Variants in PPP1R13L observed in about 807,000 individuals in gnomAD.
PPP1R13L encodes relA-associated inhibitor.
PPP1R13L carries 50 observed loss-of-function variants against 80.9 expected under a neutral mutation model. That is an observed-to-expected ratio of 0.62 (90% CI 0.49 to 0.78). The LOEUF is 0.78. Ranked by LOEUF, PPP1R13L falls within the 30% of genes least tolerant of loss-of-function variation. The probability of loss-of-function intolerance (pLI) is 0.00; values close to 1 mark genes in which losing one functional copy is unlikely to be tolerated. For synonymous variants in PPP1R13L, 602 were observed against 534.3 expected, an observed-to-expected ratio of 1.13 and a Z score of -1.75; for missense variants, 1,200 against 1,205.9, an observed-to-expected ratio of 1.00 and a Z score of 0.07.
At chr19:45,390,864 G>A (rs556642410) in intron 8 of PPP1R13L, among the ~76,000 whole-genome samples, 11 of 152,162 alleles carry the variant, frequency 7.2e-5, no homozygotes, top group Admixed American at 3.3e-4. Context: ...GATTACAGGC[G>A]TGAGCCACCG....
chr19:45,405,790 A>C (rs1599784609), upstream of PPP1R13L, among the ~76,000 whole-genome samples: 1 of 152,126 alleles, frequency 6.6e-6, no homozygotes, highest in Non-Finnish European at 1.5e-5. Context: ...CAGTCGGGTC[A>C]CCCTGTCTAG....
chr19:45,386,154 C>A lies in PPP1R13L; in HGVS notation c.1842G>T (p.Ala614=). The A allele has an allele frequency of 1.3e-6, 2 of 1,538,648 alleles. No homozygotes were observed. The highest frequency in any genetic ancestry group is 1.7e-6 in the Non-Finnish European group (2 of 1,156,460). The change falls in exon 9 of 13, where the codon GCG becomes GCT. Residue 614 remains alanine, a synonymous_variant. Coordinates refer to ENST00000360957, the MANE Select transcript of PPP1R13L (RefSeq NM_006663.4). The stretch of plus-strand genomic sequence containing the variant: ...CGCGGCGGGCCTTGCGCGGGGAGCC[C>A]GCCTTCCGCAGCACAGAGCGCATCT... ...SMEMRSVLRK[A]GSPRKARRAR... is the part of the protein sequence containing the mutation.
At chr19:45,385,434 C>A in intron 11 of PPP1R13L, 128 bp downstream of exon 11, 1 of 1,169,252 alleles carries the variant, frequency 8.6e-7, no homozygotes, top group Admixed American at 2.8e-5. Context: ...TCATCCTCCT[C>A]CTCGGCAATC....
At chr19:45,392,550 C>A in intron 7 of PPP1R13L, 1 of 666,702 alleles carries the variant, frequency 1.5e-6, no homozygotes, top group East Asian at 2.7e-5. Flanking sequence ...ATGTGCCTGG[C>A]GCTTTACATG....
chr19:45,406,194 C>T (rs1433411621), upstream of PPP1R13L: 8 of 722,310 alleles, frequency 1.1e-5, no homozygotes, highest in Non-Finnish European at 1.2e-5. This position sits in a 1 kb window ranked among gnomAD's most constrained non-coding sequence, Gnocchi z 4.2. Flanking sequence ...CTCCATTTTC[C>T]CGCTTCTCCC....
chr19:45,390,038 G>A (rs1031746065), intron 8 of PPP1R13L, among the ~76,000 whole-genome samples: 11 of 151,916 alleles, frequency 7.2e-5, no homozygotes, highest in Admixed American at 6.6e-4. Flanking sequence ...TGATCCGCCC[G>A]CCTCGGCCTC....
upstream of PPP1R13L, chr19:45,406,298 C>G: frequency 7.4e-6 from 8 of 1,084,442 alleles, no homozygotes; most frequent in Non-Finnish European, 9.0e-6. The surrounding 1 kb of genome is among the most constrained non-coding windows in gnomAD (Gnocchi z 4.2). Flanking sequence ...TTACCTGTCT[C>G]TTCAAGAATT....
intron 11 of PPP1R13L, among the ~76,000 whole-genome samples, chr19:45,383,362 C>A (rs576497014): frequency 1.4e-4 from 16 of 117,054 alleles, no homozygotes; most frequent in Non-Finnish European, 2.3e-4. Context: ...TGCAATGGTG[C>A]GGTCTCACTG....
At chr19:45,404,306 G>A (rs1394652828) in intron 1 of PPP1R13L, among the ~76,000 whole-genome samples, 1 of 152,140 alleles carries the variant, frequency 6.6e-6, no homozygotes, top group African/African-American at 2.4e-5. Flanking sequence ...CAATAGGGGA[G>A]CCCACCTCCG....
chr19:45,397,866 T>C (rs1039101469), intron 3 of PPP1R13L, 139 bp downstream of exon 3: 43 of 1,147,062 alleles, frequency 3.7e-5, no homozygotes, highest in Non-Finnish European at 4.8e-5. Context: ...GCGCCTGGCC[T>C]GGTCCCCTTT....
At chr19:45,380,407 G>C (rs1261706939) in intron 12 of PPP1R13L, among the ~76,000 whole-genome samples, 179 bp from the exon 13 acceptor site, 1 of 152,132 alleles carries the variant, frequency 6.6e-6, no homozygotes, top group Non-Finnish European at 1.5e-5. Context: ...CTTCCAATCA[G>C]AGCCTCCACT....
rs753854657 is a variant in PPP1R13L, at chr19:45,392,232, A to G, written c.1463T>C (p.Leu488Pro). Residue 488 changes from leucine (L) to proline (P), a missense_variant, in exon 8 of 13, where the codon CTC becomes CCC. This residue lies in a region of PPP1R13L where 53 missense variants were observed against 96.5 expected (regional missense o/e 0.55). Transcript: ENST00000360957. ...TGCTGGCTGCAGCCTCGTGGGGCTG[A>G]GAGGCCTTGCTACAGGGCCTTCATC... ...DVDEGPVARP[L>P]SPTRLQPALP... 5 of 1,612,714 alleles carry G rather than the reference A, an allele frequency of 3.1e-6. No individual in the cohort carries two copies. The highest frequency in any genetic ancestry group is 4.2e-6 in the Non-Finnish European group (5 of 1,179,480).
At position 45,386,192 on chromosome 19, in the gene PPP1R13L, G is replaced by T; in HGVS notation, c.1816-12C>A. 1 of 1,506,698 alleles carries T rather than the reference G, an allele frequency of 6.6e-7. No homozygotes were observed. The highest frequency in any genetic ancestry group is 1.3e-5 in the South Asian group (1 of 75,152). The allele number at this position is 1,506,698 out of a possible 1,614,324, so 93.3% of individuals were successfully genotyped here. Reference sequence around the variant, plus strand: ...ACAGAGCGCATCTCCTGGGGGACAGGGCGCAGAGGTCAGCGACTTGGAGGG... The same window carrying T: ...ACAGAGCGCATCTCCTGGGGGACAGTGCGCAGAGGTCAGCGACTTGGAGGG... On this transcript the variant is annotated splice_polypyrimidine_tract_variant and intron_variant, in intron 8 of 12. Transcript: ENST00000360957.
upstream of PPP1R13L, chr19:45,406,354 G>A (rs1200802868): frequency 1.6e-6 from 2 of 1,235,768 alleles, no homozygotes. This position sits in a 1 kb window ranked among gnomAD's most constrained non-coding sequence, Gnocchi z 4.2. Flanking sequence ...AGGAAGAGCA[G>A]TGTGGCTGCC....
rs201173870 is a variant in PPP1R13L, at chr19:45,398,235, C to T, written c.55+29G>A. On this transcript the variant is annotated intron_variant, in intron 2 of 12. Coordinates refer to ENST00000360957, the MANE Select transcript of PPP1R13L (RefSeq NM_006663.4). ...TCGCCCGCTGCCGAGGTCCCCGCCTCGCCAGCCCCGCCCCCTACTCCAGCT... is the reference window on the plus strand; with the variant it reads ...TCGCCCGCTGCCGAGGTCCCCGCCTTGCCAGCCCCGCCCCCTACTCCAGCT... 2.2e-3 allele frequency: 3,474 copies of T among 1,613,588 alleles called. 8 individuals are homozygous for T. The highest frequency in any genetic ancestry group is 2.5e-3 in the Non-Finnish European group (3,008 of 1,179,724).
At chr19:45,393,591 T>C (rs1216241265) in intron 7 of PPP1R13L, among the ~76,000 whole-genome samples, 1 of 147,190 alleles carries the variant, frequency 6.8e-6, no homozygotes, top group Non-Finnish European at 1.5e-5. Context: ...AAACTCCATC[T>C]TGGCTGGGCA....
In PPP1R13L at chr19:45,395,760, G is replaced by A. The variant is rs773951416; in HGVS notation, c.1030C>T (p.Arg344Cys). The change falls in exon 7 of 13, where the codon CGC becomes TGC. Residue 344 changes from arginine to cysteine, a missense_variant. Arg to Cys is a radical substitution (Grantham distance 180). Coordinates refer to ENST00000360957, the MANE Select transcript of PPP1R13L (RefSeq NM_006663.4). ...GSAGPSGTLP[R>C]SWQPVSRIPM... ...ATGCGGCTGACGGGCTGCCAGCTGC[G>A]AGGCAAAGTGCCCGACGGCCCCGCG... 3.2e-6 allele frequency: 5 copies of A among 1,543,984 alleles called. No individual in the cohort carries two copies. Among genetic ancestry groups the A allele is most frequent in the East Asian group, 2.4e-5 (1 of 42,342 alleles).
rs1235819259 is a variant in PPP1R13L at position 45,384,364 on chromosome 19, T to TAAAA, written c.2248+1197_2248+1198insTTTT. On this transcript the variant is annotated intron_variant, in intron 11 of 12. Transcript: ENST00000360957. Reference sequence around the variant, plus strand: ...GGCAAAACCCCGTCTCTACTAAAAATACAAAAAAAAAAAAAAAAAAAGTTA... The same window carrying TAAAA: ...GGCAAAACCCCGTCTCTACTAAAAATAAAAACAAAAAAAAAAAAAAAAAAAGTTA... Among the ~76,000 whole-genome samples, 121 of 19,740 alleles carry TAAAA rather than the reference T, an allele frequency of 6.1e-3. 1 individual carries two copies. The highest frequency in any genetic ancestry group is 6.7e-3 in the Non-Finnish European group (70 of 10,376). 13.0% of individuals were successfully genotyped at this position (19,740 alleles called of 152,430 possible). A position where few individuals can be genotyped will look rare whatever the true frequency, so the allele number is the denominator to read the frequency against.
chr19:45,398,690 G>C (rs919825327), intron 1 of PPP1R13L, among the ~76,000 whole-genome samples: 2 of 148,506 alleles, frequency 1.3e-5, no homozygotes, highest in Admixed American at 6.8e-5. Flanking sequence ...TCCGCCTCCC[G>C]GGTTCAAGCA....
Sources: gnomAD v4.1 joint callset for allele counts (sites outside exome capture counted in the v4.1 genomes callset) on GRCh38, gnomAD v4.1.1 for gene constraint, gnomAD v4.1.1 regional missense constraint, Gnocchi (gnomAD v3.1) non-coding constraint, MANE v1.5 for transcripts, NCBI Gene and HGNC (gene_info 2026-07-23, HGNC 2026-07-21) for gene names.